The following CDHR3 variants were observed in gnomAD, a reference collection of about 807,000 sequenced individuals.
CDHR3 encodes cadherin related family member 3, also known as cadherin-related family member 3.
CDHR3 carries 79 observed loss-of-function variants against 86.6 expected under a neutral mutation model. That is an observed-to-expected ratio of 0.91 (90% confidence interval 0.76 to 1.10). The LOEUF is 1.10. Among genes scored for constraint, CDHR3 ranks in the 50% least tolerant of loss-of-function variants. The probability of loss-of-function intolerance (pLI) is 0.00; values close to 1 mark genes in which losing one functional copy is unlikely to be tolerated. For missense variants in CDHR3, 1,081 were observed against 1,077.6 expected (o/e 1.00, Z -0.04); for synonymous variants, 421 against 402.4 (o/e 1.05, Z -0.55).
chr7:106,032,294 C>T, intron 18 of CDHR3, 99 bp from the exon 19 acceptor site: 1 of 1,195,272 alleles, frequency 8.4e-7, no homozygotes, highest in South Asian at 1.6e-5. Context: ...TGTGCTTCAT[C>T]TTCCCTTGGG....
At chr7:106,024,017 C>T (rs1836977531) in intron 14 of CDHR3, among the ~76,000 whole-genome samples, 2 of 151,984 alleles carry the variant, frequency 1.3e-5, no homozygotes, top group Non-Finnish European at 2.9e-5. Context: ...AAACAACTTT[C>T]GTGGCTTATG....
rs538184010 is a variant in CDHR3, at chr7:106,028,923, T to C, written c.2304+341T>C. On this transcript the variant is annotated intron_variant, in intron 17 of 18. Coordinates refer to ENST00000317716, the MANE Select transcript of CDHR3 (RefSeq NM_152750.5). ...CCTCCAGTGAGATTTAAATTTTCTTTCTTTCTTTCTTTCTTTCTTTCTTTC... is the reference window on the plus strand; with the variant it reads ...CCTCCAGTGAGATTTAAATTTTCTTCCTTTCTTTCTTTCTTTCTTTCTTTC... Among the ~76,000 whole-genome samples, 3 of 85,470 alleles carry C rather than the reference T, an allele frequency of 3.5e-5. No individual in the cohort carries two copies. In the South Asian group the frequency reaches 1.3e-3, roughly 37 times the overall value. The allele number at this position is 85,470 out of a possible 152,430, so 56.1% of individuals were successfully genotyped here. A position where few individuals can be genotyped will look rare whatever the true frequency, so the allele number is the denominator to read the frequency against.
In CDHR3 at chr7:106,020,432, T is replaced by C. The variant is rs1836385991; in HGVS notation, c.1713T>C (p.Tyr571=). 1 of 1,614,026 alleles carries C rather than the reference T, an allele frequency of 6.2e-7. No individual in the cohort carries two copies. The highest frequency in any genetic ancestry group is 8.5e-7 in the Non-Finnish European group (1 of 1,179,894). ...AGCCAATTTGTACTCCAAACTCTTA[T>C]TTCCTGGCCCTCCCAGTGGATCTGA... ...DEKPICTPNS[Y]FLALPVDLKV... Residue 571 remains tyrosine, a synonymous_variant, in exon 13 of 19, where the codon TAT becomes TAC. Transcript: ENST00000317716.
intron 6 of CDHR3, among the ~76,000 whole-genome samples, chr7:105,999,031 C>T (rs544558164): frequency 1.3e-5 from 2 of 152,294 alleles, no homozygotes; most frequent in South Asian, 4.1e-4. Context: ...CATGGCTTCC[C>T]AGCATTCACA....
chr7:105,982,148 C>T lies in CDHR3; in HGVS notation c.415+1015C>T, dbSNP rs117609298. Among the ~76,000 whole-genome samples the T allele has an allele frequency of 6.0e-3, 913 of 152,168 alleles. 8 individuals are homozygous for T. The highest frequency in any genetic ancestry group is 9.0e-3 in the Non-Finnish European group (613 of 68,012). Reference sequence around the variant, plus strand: ...TGCTTAAAACCCTACAAGAAATTCCCGTCTCACTCAAAGGGAGTCTCCTTA... The same window carrying T: ...TGCTTAAAACCCTACAAGAAATTCCTGTCTCACTCAAAGGGAGTCTCCTTA... On this transcript the variant is annotated intron_variant, in intron 3 of 18. Transcript: ENST00000317716.
chr7:105,978,916 C>A (rs1161199629), intron 2 of CDHR3, among the ~76,000 whole-genome samples: 2 of 152,128 alleles, frequency 1.3e-5, no homozygotes, highest in Non-Finnish European at 2.9e-5. Context: ...CAGGAGGAGG[C>A]TCCAGGCTTA....
chr7:106,020,665 A>AT, intron 13 of CDHR3, 121 bp downstream of exon 13: 3 of 1,134,378 alleles, frequency 2.6e-6, no homozygotes, highest in South Asian at 1.7e-5. Flanking sequence ...GGAGGGCATT[A>AT]TTTTTTTGAG....
At position 106,036,080 on chromosome 7, in the gene CDHR3, A is replaced by T. The variant is rs1204075518; in HGVS notation, c.*3383A>T. 1 of 152,310 alleles carries T rather than the reference A, an allele frequency of 6.6e-6. No individual in the cohort carries two copies. The highest frequency in any genetic ancestry group is 1.9e-4 in the East Asian group (1 of 5,186). The allele number at this position is 152,310 out of a possible 1,614,324, so 9.4% of individuals were successfully genotyped here. A position where few individuals can be genotyped will look rare whatever the true frequency, so the allele number is the denominator to read the frequency against. ...AATACGTTCAGGAATTAGACCACGTAACAATTATAATTGTCGAAGACTTTG... is the reference window on the plus strand; with the variant it reads ...AATACGTTCAGGAATTAGACCACGTTACAATTATAATTGTCGAAGACTTTG... On this transcript the variant is annotated 3_prime_UTR_variant, in exon 19 of 19. Transcript: ENST00000317716.
chr7:106,019,416 T>G (rs920605066), intron 12 of CDHR3, among the ~76,000 whole-genome samples: 43 of 151,480 alleles, frequency 2.8e-4, no homozygotes, highest in Non-Finnish European at 5.4e-4. Context: ...AGAAAATGAA[T>G]GGACTCCACT....
chr7:106,018,755 G>C (rs979680151), intron 12 of CDHR3, among the ~76,000 whole-genome samples: 10 of 152,072 alleles, frequency 6.6e-5, no homozygotes, highest in Admixed American at 5.9e-4. Context: ...TCCTCCCCAG[G>C]AGCAGTTATG....
rs1563317233 is a variant in CDHR3 at position 106,032,405 on chromosome 7, C to G, written c.2366C>G (p.Thr789Arg). Residue 789 changes from threonine (T) to arginine (R), a missense_variant, in exon 19 of 19, where the codon ACA (threonine) becomes AGA (arginine). Transcript: ENST00000317716. ...GEAIDPVTGETYEFNSKTGAR... is the reference protein window; with the variant it reads ...GEAIDPVTGERYEFNSKTGAR... ...TTTTTTTCACTAGTGACCGGGGAAA[C>G]ATATGAATTCAACTCAAAAACTGGA... is the stretch of plus-strand genomic sequence containing the variant. 1.2e-6 allele frequency: 2 copies of G among 1,608,382 alleles called. No homozygotes were observed. The highest frequency in any genetic ancestry group is 3.4e-5 in the Admixed American group (2 of 59,462).
intron 6 of CDHR3, among the ~76,000 whole-genome samples, chr7:105,997,792 C>A (rs921997961): frequency 6.6e-6 from 1 of 152,048 alleles, no homozygotes; most frequent in African/African-American, 2.4e-5. Flanking sequence ...CAGAAACTGA[C>A]TTTTAGCAGA....
chr7:106,024,498 G>A lies in CDHR3; in HGVS notation c.2194G>A (p.Val732Ile), dbSNP rs11505886. 666 of 1,613,968 alleles carry A rather than the reference G, an allele frequency of 4.1e-4. 3 individuals carry two copies. In the African/African-American group the frequency reaches 7.4e-3, roughly 18 times the overall value. ...LLLGLLVYLV[V>I]LLAKAIHRHC... is the part of the protein sequence containing the mutation. Reference sequence around the variant, plus strand: ...TCTGGGTCTCCTCGTGTACCTGGTCGTCCTATTGGCCAAAGCCATCCACAG... The same window carrying A: ...TCTGGGTCTCCTCGTGTACCTGGTCATCCTATTGGCCAAAGCCATCCACAG... The change falls in exon 15 of 19, where the codon GTC (valine) becomes ATC (isoleucine). Residue 732 changes from valine (V) to isoleucine (I), a missense_variant. Coordinates refer to ENST00000317716, the MANE Select transcript of CDHR3 (RefSeq NM_152750.5).
At position 105,983,248 on chromosome 7, in the gene CDHR3, G is replaced by A. The variant is rs557126509; in HGVS notation, c.416-944G>A. On this transcript the variant is annotated intron_variant, in intron 3 of 18. Coordinates refer to ENST00000317716, the MANE Select transcript of CDHR3 (RefSeq NM_152750.5). ...GTGTAGATCACTGTTTGGACAGAGC[G>A]CTCAGTAGATATTTTTTTGAACGAA... is the stretch of plus-strand genomic sequence containing the variant. 3.6e-4 allele frequency among the ~76,000 whole-genome samples: 50 copies of A among 140,684 alleles called. 1 individual carries two copies. The highest frequency in any genetic ancestry group is 1.2e-3 in the African/African-American group (47 of 37,710). 92.3% of individuals were successfully genotyped at this position (140,684 alleles called of 152,430 possible).
In CDHR3 at chr7:106,020,560, T is replaced by C. The variant is rs760525059; in HGVS notation, c.1825+16T>C. ...ATTGGCCCAGGTATAGTACTTGGTGTCGACAATCCTGGCCCTGTCTCTGAG... is the reference window on the plus strand; with the variant it reads ...ATTGGCCCAGGTATAGTACTTGGTGCCGACAATCCTGGCCCTGTCTCTGAG... On this transcript the variant is annotated intron_variant, in intron 13 of 18. Coordinates refer to ENST00000317716, the MANE Select transcript of CDHR3 (RefSeq NM_152750.5). 3 of 1,605,358 alleles carry C rather than the reference T, an allele frequency of 1.9e-6. No homozygotes were observed. The highest frequency in any genetic ancestry group is 2.2e-5 in the South Asian group (2 of 90,068).
rs2115861978 is a variant in CDHR3, at chr7:106,017,334, A to G, written c.1427-512A>G. ...CACTTTGGGAGGCCGAGCTGGGCGGATCACTTGAGGTCAGGAGATCGAAAC... is the reference window on the plus strand; with the variant it reads ...CACTTTGGGAGGCCGAGCTGGGCGGGTCACTTGAGGTCAGGAGATCGAAAC... On this transcript the variant is annotated intron_variant, in intron 11 of 18. Coordinates refer to ENST00000317716, the MANE Select transcript of CDHR3 (RefSeq NM_152750.5). Among the ~76,000 whole-genome samples the G allele has an allele frequency of 1.3e-5, 2 of 152,230 alleles. 1 individual carries two copies. Among genetic ancestry groups the G allele is most frequent in the Middle Eastern group, 6.8e-3 (2 of 294 alleles).
At chr7:106,005,349 A>T (rs74628795) in intron 8 of CDHR3, among the ~76,000 whole-genome samples, 2,910 of 152,340 alleles carry the variant, frequency 0.019, 96 homozygotes, top group African/African-American at 0.065. Flanking sequence ...TGGGTTAATA[A>T]GCTTTTTGAA....
At chr7:105,976,506 A>T (rs1427066605) in intron 2 of CDHR3, among the ~76,000 whole-genome samples, 1 of 152,202 alleles carries the variant, frequency 6.6e-6, no homozygotes, top group Non-Finnish European at 1.5e-5. Context: ...ACAATTCGGT[A>T]GTTTTTAGTA....
intron 3 of CDHR3, among the ~76,000 whole-genome samples, chr7:105,981,790 C>A (rs1829778664): frequency 6.6e-6 from 1 of 152,120 alleles, no homozygotes. Flanking sequence ...CCACCCCCAC[C>A]CAAATCTGCT....
Sources: allele counts gnomAD v4.1 joint callset (sites outside exome capture counted in the v4.1 genomes callset), GRCh38; gene constraint gnomAD v4.1.1; transcripts MANE v1.5; gene names NCBI Gene and HGNC (gene_info 2026-07-23, HGNC 2026-07-21).